The following XPO5 variants were observed in gnomAD, a reference collection of about 807,000 sequenced individuals.
XPO5 encodes the protein exportin 5.
In XPO5, 46 loss-of-function variants were observed where a neutral mutation model predicts 160.6. That is an observed-to-expected ratio of 0.29 (90% CI 0.23 to 0.37). The LOEUF (loss-of-function observed/expected upper bound fraction) is 0.37, where lower values mean the gene tolerates loss of function less well. Among genes scored for constraint, XPO5 ranks in the 10% least tolerant of loss-of-function variants. The pLI is 1.00. For missense variants in XPO5, 1,090 were observed against 1,463.9 expected, an observed-to-expected ratio of 0.74 and a Z score of 4.17; for synonymous variants, 537 against 519.3, an observed-to-expected ratio of 1.03 and a Z score of -0.46.
At chr6:43,574,676 G>A (rs1763201619) in intron 1 of XPO5, among the ~76,000 whole-genome samples, 1 of 152,066 alleles carries the variant, frequency 6.6e-6, no homozygotes, top group Non-Finnish European at 1.5e-5. Flanking sequence ...AATTTCTAGG[G>A]TTTCTTTTAA....
At chr6:43,558,106 A>C (rs533745147) in intron 12 of XPO5, among the ~76,000 whole-genome samples, 18 of 152,138 alleles carry the variant, frequency 1.2e-4, no homozygotes, top group African/African-American at 3.4e-4. Context: ...AAAAAAAAAA[A>C]CAAACAAAAA....
intron 26 of XPO5, 195 bp from the exon 27 acceptor site, chr6:43,526,942 A>C: frequency 1.7e-6 from 1 of 576,208 alleles, no homozygotes; most frequent in South Asian, 2.1e-5. Flanking sequence ...TTGGTCCTTC[A>C]AGTTCAACTA....
intron 5 of XPO5, 81 bp downstream of exon 5, chr6:43,570,421 C>G (rs922345750): frequency 1.4e-5 from 17 of 1,205,320 alleles, no homozygotes; most frequent in Non-Finnish European, 1.9e-5. Context: ...CTGACCTAGA[C>G]ACCCTAGTTC....
rs1394967233 is a variant in XPO5 at position 43,573,821 on chromosome 6, ATATT to A, written c.106-224_106-221del. Among the ~76,000 whole-genome samples, 362 of 122,656 alleles carry A rather than the reference ATATT, an allele frequency of 3.0e-3. 4 individuals are homozygous for A. The highest frequency in any genetic ancestry group is 0.011 in the African/African-American group (317 of 28,470). The allele number at this position is 122,656 out of a possible 152,430, so 80.5% of individuals were successfully genotyped here. ...CTCTATTAAATATATATATATATATATATTTTTTTTTTTTTTTTTTGAGACGGAG... is the reference window on the plus strand; with the variant it reads ...CTCTATTAAATATATATATATATATATTTTTTTTTTTTTTTTGAGACGGAG... On this transcript the variant is annotated intron_variant, in intron 1 of 31. Coordinates refer to ENST00000265351, the MANE Select transcript of XPO5 (RefSeq NM_020750.3).
chr6:43,533,621 G>C, intron 21 of XPO5: 1 of 229,542 alleles, frequency 4.4e-6, no homozygotes, highest in East Asian at 1.0e-4. Flanking sequence ...AGGACTGCTT[G>C]ATGATAAGAG....
At chr6:43,529,431 G>A (rs1383497600) in intron 23 of XPO5, 1 of 336,024 alleles carries the variant, frequency 3.0e-6, no homozygotes, top group East Asian at 8.9e-5. Flanking sequence ...GCGAGCGCCT[G>A]TAGTCCCAGC....
chr6:43,553,580 CAGAG>C (rs1010186370), intron 13 of XPO5, 77 bp from the exon 14 acceptor site: 1 of 1,500,096 alleles, frequency 6.7e-7, no homozygotes, highest in Non-Finnish European at 8.9e-7. Flanking sequence ...GCAGAAGACA[CAGAG>C]AGACAATGGA....
rs1296066850 is a variant in XPO5, at chr6:43,570,886, T to C, written c.409A>G (p.Ile137Val). Reference protein sequence around the residue: ...EWPQHWPDMLIELDTLSKQGE... With the variant: ...EWPQHWPDMLVELDTLSKQGE... ...TGTTTGGAAAGAGTGTCCAATTCTA[T>C]TAGCATGTCAGGCCAATGCTGTGGC... is the stretch of plus-strand genomic sequence containing the variant. The change falls in exon 4 of 32, where the codon ATA becomes GTA. Residue 137 changes from isoleucine (I) to valine (V), a missense_variant. Ile to Val is a conservative substitution (Grantham distance 29). Around this residue, in one of 3 missense-constraint regions of XPO5, gnomAD observed 170 missense variants for 227.0 expected, o/e 0.75. Coordinates refer to ENST00000265351, the MANE Select transcript of XPO5 (RefSeq NM_020750.3). The C allele has an allele frequency of 1.2e-6, 2 of 1,613,022 alleles. No homozygotes were observed. The highest frequency in any genetic ancestry group is 8.5e-7 in the Non-Finnish European group (1 of 1,179,676).
intron 12 of XPO5, 24 bp downstream of exon 12, chr6:43,558,477 A>C: frequency 6.4e-7 from 1 of 1,567,374 alleles, no homozygotes; most frequent in Middle Eastern, 1.7e-4. Context: ...CTGTTGAGAG[A>C]AATCCAAGGC....
At chr6:43,568,510 G>A (rs1239889226) in intron 6 of XPO5, among the ~76,000 whole-genome samples, 1 of 152,002 alleles carries the variant, frequency 6.6e-6, no homozygotes, top group East Asian at 1.9e-4. Context: ...TGAAGTTGAG[G>A]TGAGAGGATC....
In XPO5 at chr6:43,560,222, T is replaced by C. The variant is rs771942305; in HGVS notation, c.1177A>G (p.Ile393Val). 4 of 1,612,618 alleles carry C rather than the reference T, an allele frequency of 2.5e-6. No homozygotes were observed. The highest frequency in any genetic ancestry group is 1.1e-5 in the South Asian group (1 of 90,720). The change falls in exon 11 of 32, where the codon ATA (isoleucine) becomes GTA (valine). Residue 393 changes from isoleucine to valine, a missense_variant. Physicochemically the swap from Ile to Val is conservative, Grantham distance 29 (BLOSUM62 3). Coordinates refer to ENST00000265351, the MANE Select transcript of XPO5 (RefSeq NM_020750.3). Reference protein sequence around the residue: ...ILSRDPLLLAIIPKYLRASMT... With the variant: ...ILSRDPLLLAVIPKYLRASMT... ...GAAGCACGAAGATATTTTGGTATTA[T>C]TGCTAATAGCAAAGGATCACGGGAC...
chr6:43,539,573 C>T (rs957378571), intron 20 of XPO5: 49 of 1,356,328 alleles, frequency 3.6e-5, no homozygotes, highest in Admixed American at 1.9e-4. Flanking sequence ...GCCTCAGCCC[C>T]GGCCCGGTCC....
chr6:43,553,310 A>C (rs1795341657), intron 14 of XPO5, 63 bp downstream of exon 14: 1 of 1,538,976 alleles, frequency 6.5e-7, no homozygotes, highest in African/African-American at 1.4e-5. Context: ...CCAAAATAGA[A>C]AGAGAAAAGA....
intron 19 of XPO5, 53 bp from the exon 20 acceptor site, chr6:43,546,805 A>C (rs1214575466): frequency 1.1e-5 from 15 of 1,398,696 alleles, no homozygotes; most frequent in Admixed American, 2.6e-5. Context: ...AAAAAAAAAG[A>C]CCAAATACTG....
intron 1 of XPO5, among the ~76,000 whole-genome samples, chr6:43,575,268 T>TA (rs1426562651): frequency 6.6e-6 from 1 of 152,132 alleles, no homozygotes; most frequent in Non-Finnish European, 1.5e-5. Flanking sequence ...AGCGAGATGT[T>TA]AAAGCATATA....
At chr6:43,571,384 A>G (rs1247334267) in intron 3 of XPO5, among the ~76,000 whole-genome samples, 1 of 152,214 alleles carries the variant, frequency 6.6e-6, no homozygotes, top group Non-Finnish European at 1.5e-5. Context: ...TTTTACCAAT[A>G]GTTCTAACAC....
chr6:43,523,940 T>A lies in XPO5; in HGVS notation c.3543A>T (p.Lys1181Asn). Residue 1181 changes from lysine (K) to asparagine (N), a missense_variant, in exon 32 of 32, where the codon AAA becomes AAT. Around this residue, in one of 3 missense-constraint regions of XPO5, gnomAD observed 810 missense variants for 1,139.0 expected, o/e 0.71. Coordinates refer to ENST00000265351, the MANE Select transcript of XPO5 (RefSeq NM_020750.3). ...HIKNLPSLFK[K>N]TKPMLETEVL... ...CCTCCGTCTCCAGCATTGGCTTTGTTTTTTTGAAAAGTGAGGGAAGATTCT... is the reference window on the plus strand; with the variant it reads ...CCTCCGTCTCCAGCATTGGCTTTGTATTTTTGAAAAGTGAGGGAAGATTCT... 1 of 1,614,034 alleles carries A rather than the reference T, an allele frequency of 6.2e-7. No homozygotes were observed. The highest frequency in any genetic ancestry group is 8.5e-7 in the Non-Finnish European group (1 of 1,179,912).
intron 6 of XPO5, 51 bp from the exon 7 acceptor site, chr6:43,567,405 G>A: frequency 6.7e-7 from 1 of 1,502,694 alleles, no homozygotes; most frequent in East Asian, 2.3e-5. Context: ...TAACAGGTAA[G>A]GAATCAGTGG....
chr6:43,539,591 C>A, intron 20 of XPO5: 1 of 1,372,570 alleles, frequency 7.3e-7, no homozygotes, highest in Non-Finnish European at 1.0e-6. Context: ...TCCACGGCTG[C>A]GACCCCGGCC....
Sources: gnomAD v4.1 joint callset for allele counts (sites outside exome capture counted in the v4.1 genomes callset) on GRCh38, gnomAD v4.1.1 for gene constraint, gnomAD v4.1.1 regional missense constraint, MANE v1.5 for transcripts, NCBI Gene and HGNC (gene_info 2026-07-23, HGNC 2026-07-21) for gene names.